The following LARP1B variants were observed in gnomAD, a reference collection of about 807,000 sequenced individuals.
LARP1B encodes La ribonucleoprotein 1B.
In LARP1B, 76 loss-of-function variants were observed where a neutral mutation model predicts 114.2. That is an observed-to-expected ratio of 0.67 (90% CI 0.55 to 0.81). LARP1B has a LOEUF of 0.81. Among genes scored for constraint, LARP1B ranks in the 30% least tolerant of loss-of-function variants. LARP1B has a pLI of 0.00. For missense variants in LARP1B, 1,014 were observed against 1,075.8 expected, an observed-to-expected ratio of 0.94 and a Z score of 0.80; for synonymous variants, 345 against 348.0, an observed-to-expected ratio of 0.99 and a Z score of 0.10.
chr4:128,065,319 C>T (rs113145728), intron 1 of LARP1B, among the ~76,000 whole-genome samples: 7,143 of 57,894 alleles, frequency 0.12, 224 homozygotes, highest in Middle Eastern at 0.18. Flanking sequence ...CTTTCTTTCT[C>T]TCTCTCTCTC....
downstream of LARP1B, among the ~76,000 whole-genome samples, chr4:128,212,824 A>G (rs1347644667): frequency 1.3e-5 from 2 of 151,974 alleles, no homozygotes; most frequent in Admixed American, 1.3e-4. Context: ...ACTTTTATCA[A>G]CATCTGCTTC....
chr4:128,079,590 G>A (rs1406437667), intron 4 of LARP1B, among the ~76,000 whole-genome samples: 1 of 151,538 alleles, frequency 6.6e-6, no homozygotes, highest in Non-Finnish European at 1.5e-5. Flanking sequence ...TTGAAACAGG[G>A]TCTTGCTCTG....
chr4:128,106,337 T>G (rs1456827323), intron 8 of LARP1B, among the ~76,000 whole-genome samples: 1 of 152,234 alleles, frequency 6.6e-6, no homozygotes, highest in Non-Finnish European at 1.5e-5. Flanking sequence ...CTTAATTATA[T>G]ACAGCATGTT....
chr4:128,066,191 T>A (rs1220314857), intron 1 of LARP1B, among the ~76,000 whole-genome samples: 1 of 145,942 alleles, frequency 6.9e-6, no homozygotes, highest in East Asian at 2.1e-4. Flanking sequence ...TTTTTTGTTA[T>A]ATTGAGACAG....
intron 1 of LARP1B, chr4:128,069,417 C>A: frequency 1.3e-6 from 1 of 761,170 alleles, no homozygotes; most frequent in Admixed American, 1.7e-5. Context: ...TGGGTGCTTT[C>A]GGCCACCATG....
upstream of LARP1B, among the ~76,000 whole-genome samples, chr4:128,061,026 C>G (rs1184204284): frequency 6.6e-6 from 1 of 151,976 alleles, no homozygotes; most frequent in Non-Finnish European, 1.5e-5. Flanking sequence ...GCGAGCCAGC[C>G]GCGAGCCACA....
chr4:128,143,796 G>GGGGTGTGTGTGTGTGTGTGT (rs149590509), intron 11 of LARP1B, among the ~76,000 whole-genome samples: 23 of 147,844 alleles, frequency 1.6e-4, no homozygotes, highest in Non-Finnish European at 3.0e-4. Flanking sequence ...TAAGGCACAG[G>GGGGTGTGTGTGTGTGTGTGT]GTGTGTGTGT....
chr4:128,128,059 G>A (rs1463474070), intron 11 of LARP1B, among the ~76,000 whole-genome samples: 1 of 152,136 alleles, frequency 6.6e-6, no homozygotes, highest in East Asian at 1.9e-4. Flanking sequence ...CTGGGACTCT[G>A]TCAACTTGAT....
chr4:128,065,307 TTCTTTCTTTCTC>T (rs754518614), intron 1 of LARP1B, among the ~76,000 whole-genome samples: 2,614 of 100,634 alleles, frequency 0.026, 61 homozygotes, highest in Admixed American at 0.043. Context: ...CTTTCTTTCT[TTCTTTCTTTCTC>T]TCTCTCTCTC....
intron 1 of LARP1B, among the ~76,000 whole-genome samples, chr4:128,066,860 G>A (rs1339320749): frequency 2.7e-5 from 4 of 147,794 alleles, no homozygotes; most frequent in Non-Finnish European, 5.9e-5. Flanking sequence ...GCAATGGCGC[G>A]ATCTTGGCTC....
intron 8 of LARP1B, among the ~76,000 whole-genome samples, chr4:128,105,837 G>A (rs1781881409): frequency 6.6e-6 from 1 of 152,112 alleles, no homozygotes; most frequent in Admixed American, 6.5e-5. Flanking sequence ...GTTGCAGTGA[G>A]CCAAGTTGAC....
At chr4:128,144,999 T>G (rs1729706817) in intron 11 of LARP1B, among the ~76,000 whole-genome samples, 1 of 152,216 alleles carries the variant, frequency 6.6e-6, no homozygotes, top group African/African-American at 2.4e-5. Flanking sequence ...TTATTTTCAC[T>G]GCTAGTAATT....
intron 10 of LARP1B, among the ~76,000 whole-genome samples, chr4:128,115,754 C>T (rs145304195): frequency 9.9e-5 from 15 of 152,246 alleles, no homozygotes; most frequent in East Asian, 1.9e-4. Context: ...CTGCTGGGTT[C>T]GAGAGAGTCT....
rs193132090 is a variant in LARP1B at position 128,096,822 on chromosome 4, G to T, written c.669-1364G>T. Among the ~76,000 whole-genome samples, 46 of 151,996 alleles carry T rather than the reference G, an allele frequency of 3.0e-4. 1 individual carries two copies. Among genetic ancestry groups the T allele is most frequent in the African/African-American group, 1.0e-3 (42 of 41,454 alleles). ...TCACCATGTTAGCCAGGATGGTCTCGATCTCCTGACCTTGTGATCTGCCCG... is the reference window on the plus strand; with the variant it reads ...TCACCATGTTAGCCAGGATGGTCTCTATCTCCTGACCTTGTGATCTGCCCG... On this transcript the variant is annotated intron_variant, in intron 7 of 19. Coordinates refer to ENST00000326639, the MANE Select transcript of LARP1B (RefSeq NM_018078.4).
chr4:128,112,902 A>T (rs1181135180), intron 9 of LARP1B, among the ~76,000 whole-genome samples: 1 of 152,222 alleles, frequency 6.6e-6, no homozygotes, highest in East Asian at 1.9e-4. Context: ...AGGGGAAGAT[A>T]TTAAAGCTAT....
chr4:128,155,447 C>T, intron 11 of LARP1B: 1 of 722,596 alleles, frequency 1.4e-6, no homozygotes, highest in Non-Finnish European at 2.5e-6. Flanking sequence ...GGTATGGCGA[C>T]CCCGCGCAGC....
intron 1 of LARP1B, among the ~76,000 whole-genome samples, chr4:128,068,210 G>A (rs1050862495): frequency 2.0e-5 from 3 of 152,060 alleles, no homozygotes; most frequent in Non-Finnish European, 4.4e-5. Context: ...TAGAGATGGG[G>A]TGTCACCATG....
chr4:128,067,357 G>A (rs1763398569), intron 1 of LARP1B, among the ~76,000 whole-genome samples: 1 of 152,260 alleles, frequency 6.6e-6, no homozygotes, highest in African/African-American at 2.4e-5. Flanking sequence ...TGTTAATGAG[G>A]TAAAGGAATT....
chr4:128,159,571 G>A (rs181601672), intron 11 of LARP1B, among the ~76,000 whole-genome samples: 6 of 152,236 alleles, frequency 3.9e-5, no homozygotes, highest in Admixed American at 2.6e-4. Flanking sequence ...ATAGCCTCCC[G>A]TATTGTCAAC....
Sources: gnomAD v4.1 joint callset for allele counts (sites outside exome capture counted in the v4.1 genomes callset) on GRCh38, gnomAD v4.1.1 for gene constraint, MANE v1.5 for transcripts, NCBI Gene and HGNC (gene_info 2026-07-23, HGNC 2026-07-21) for gene names.